The following GRIP1 variants were observed in gnomAD, a reference collection of about 807,000 sequenced individuals.
GRIP1 encodes the protein glutamate receptor interacting protein 1, also known as glutamate receptor-interacting protein 1.
GRIP1 carries 45 observed loss-of-function variants against 129.9 expected under a neutral mutation model. The observed-to-expected ratio is 0.35, with a 90% CI of 0.27 to 0.44. The LOEUF (loss-of-function observed/expected upper bound fraction) is 0.44. GRIP1 is among the 20% of genes least tolerant of loss of function. The pLI is 1.00. For synonymous variants in GRIP1, 530 were observed against 520.8 expected, an observed-to-expected ratio of 1.02 and a Z score of -0.24; for missense variants, 1,196 against 1,396.8, an observed-to-expected ratio of 0.86 and a Z score of 2.29.
chr12:66,458,090 A>G (rs1448851974), intron 9 of GRIP1, among the ~76,000 whole-genome samples: 2 of 152,234 alleles, frequency 1.3e-5, no homozygotes, highest in Non-Finnish European at 2.9e-5. Context: ...CTCGTTGGAC[A>G]TTTAAGTTTA....
At chr12:66,550,807 G>C (rs961015396) in intron 2 of GRIP1, among the ~76,000 whole-genome samples, 4 of 152,142 alleles carry the variant, frequency 2.6e-5, no homozygotes, top group Non-Finnish European at 5.9e-5. Flanking sequence ...TCAGAAACAG[G>C]AAATGGCTCA....
intron 19 of GRIP1, among the ~76,000 whole-genome samples, chr12:66,389,814 G>C (rs183345930): frequency 9.0e-4 from 137 of 152,246 alleles, no homozygotes; most frequent in Non-Finnish European, 9.6e-4. Flanking sequence ...CACTTTAACG[G>C]GTACACAGGT....
intron 11 of GRIP1, among the ~76,000 whole-genome samples, chr12:66,451,421 T>TTTTTTTC (rs1565752142): frequency 8.7e-6 from 1 of 115,558 alleles, no homozygotes; most frequent in African/African-American, 3.6e-5. Context: ...TTTTTTTTTT[T>TTTTTTTC]CAGATAGGCT....
chr12:66,398,062 C>T (rs890258093), intron 16 of GRIP1, among the ~76,000 whole-genome samples: 3 of 152,146 alleles, frequency 2.0e-5, no homozygotes, highest in African/African-American at 7.2e-5. Flanking sequence ...GGGCATCCCA[C>T]TGCCACTTGC....
intron 1 of GRIP1, among the ~76,000 whole-genome samples, chr12:66,625,201 T>C (rs977925574): frequency 6.6e-6 from 1 of 152,146 alleles, no homozygotes; most frequent in Non-Finnish European, 1.5e-5. Flanking sequence ...TTAAGTTGCA[T>C]ATATTATAAT....
chr12:66,537,094 C>T (rs1429062109), intron 4 of GRIP1, among the ~76,000 whole-genome samples: 1 of 152,108 alleles, frequency 6.6e-6, no homozygotes, highest in Non-Finnish European at 1.5e-5. Context: ...AAAAAAATGC[C>T]TATCTTGTAG....
chr12:67,053,386 T>C (rs1298070056), intron 1 of GRIP1, among the ~76,000 whole-genome samples: 3 of 151,922 alleles, frequency 2.0e-5, no homozygotes, highest in Non-Finnish European at 4.4e-5. Flanking sequence ...TTAACAAATA[T>C]TAAACATCTA....
chr12:66,509,415 T>C (rs918211837), intron 7 of GRIP1, among the ~76,000 whole-genome samples: 3 of 152,202 alleles, frequency 2.0e-5, no homozygotes, highest in Non-Finnish European at 4.4e-5. Flanking sequence ...AGGTTAAATA[T>C]TGTCCAAGGT....
intron 9 of GRIP1, among the ~76,000 whole-genome samples, chr12:66,457,073 C>G (rs539903491): frequency 9.9e-5 from 15 of 151,810 alleles, no homozygotes; most frequent in South Asian, 2.1e-4. Context: ...AAGTTTATTT[C>G]AAACTTTATT....
At chr12:66,595,840 C>G (rs1316275823) in intron 2 of GRIP1, among the ~76,000 whole-genome samples, 1 of 152,222 alleles carries the variant, frequency 6.6e-6, no homozygotes, top group Non-Finnish European at 1.5e-5. Context: ...AAATAACCAC[C>G]TGAAATTTTT....
intron 1 of GRIP1, among the ~76,000 whole-genome samples, chr12:66,611,129 T>A (rs541590913): frequency 6.6e-6 from 1 of 152,308 alleles, no homozygotes; most frequent in South Asian, 2.1e-4. Flanking sequence ...AGGGATGTAT[T>A]GCTCAAAATA....
At chr12:66,765,459 A>AGTTGCTCTATG (rs2037606658) in intron 1 of GRIP1, among the ~76,000 whole-genome samples, 1 of 152,216 alleles carries the variant, frequency 6.6e-6, no homozygotes, top group Non-Finnish European at 1.5e-5. Context: ...TGCAAGTGAA[A>AGTTGCTCTATG]CAGGAAATGT....
chr12:66,694,514 C>T (rs2035087054), intron 1 of GRIP1, among the ~76,000 whole-genome samples: 1 of 152,070 alleles, frequency 6.6e-6, no homozygotes, highest in Non-Finnish European at 1.5e-5. Flanking sequence ...ACAGTAAATG[C>T]TCAGTACGTA....
intron 1 of GRIP1, among the ~76,000 whole-genome samples, chr12:66,947,832 CA>C (rs1341828704): frequency 6.6e-6 from 1 of 152,214 alleles, no homozygotes; most frequent in African/African-American, 2.4e-5. Context: ...CACAAAACCA[CA>C]GATAGTGACA....
intron 6 of GRIP1, among the ~76,000 whole-genome samples, chr12:66,516,925 T>C (rs1331669357): frequency 6.6e-6 from 1 of 152,228 alleles, no homozygotes; most frequent in Non-Finnish European, 1.5e-5. Flanking sequence ...ACTGCCATAC[T>C]GGCAGTTCTG....
intron 1 of GRIP1, among the ~76,000 whole-genome samples, chr12:66,935,004 T>C (rs2041461575): frequency 6.6e-6 from 1 of 152,222 alleles, no homozygotes; most frequent in Non-Finnish European, 1.5e-5. Flanking sequence ...TACAATGCCA[T>C]GTCTTCCAGA....
intron 2 of GRIP1, among the ~76,000 whole-genome samples, chr12:66,559,686 TG>T (rs2062452659): frequency 6.6e-6 from 1 of 152,086 alleles, no homozygotes; most frequent in South Asian, 2.1e-4. Flanking sequence ...ACACAAAAAA[TG>T]GAAAGATACT....
intron 1 of GRIP1, among the ~76,000 whole-genome samples, chr12:66,835,954 G>C (rs1407309770): frequency 2.0e-5 from 3 of 152,022 alleles, no homozygotes; most frequent in Non-Finnish European, 4.4e-5. Flanking sequence ...GGGGGAGGCT[G>C]TGTGTGTATA....
rs2065080871 is a variant in GRIP1, at chr12:66,617,231, A to G, written c.56-20304T>C. Among the ~76,000 whole-genome samples, 3 of 148,672 alleles carry G rather than the reference A, an allele frequency of 2.0e-5. No homozygotes were observed. In the South Asian group the frequency reaches 6.4e-4, roughly 32 times the overall value. Reference sequence around the variant, plus strand: ...GGGACCAAGAGACAACTTTGCTTTAATTATTCAAAAAGAATCCATCTCAGG... The same window carrying G: ...GGGACCAAGAGACAACTTTGCTTTAGTTATTCAAAAAGAATCCATCTCAGG... On this transcript the variant is annotated intron_variant, in intron 1 of 24. Coordinates refer to ENST00000359742, the MANE Select transcript of GRIP1 (RefSeq NM_001366722.1).
Sources: allele counts gnomAD v4.1 joint callset (sites outside exome capture counted in the v4.1 genomes callset), GRCh38; gene constraint gnomAD v4.1.1; transcripts MANE v1.5; gene names NCBI Gene and HGNC (gene_info 2026-07-23, HGNC 2026-07-21).